ADAMTSL2: variants seen among roughly 807,000 people sequenced by gnomAD.
ADAMTSL2 encodes the protein ADAMTS-like protein 2.
In ADAMTSL2, 55 loss-of-function variants were observed where a neutral mutation model predicts 117.0. That is an observed-to-expected ratio of 0.47 (90% CI 0.38 to 0.59). The LOEUF is 0.59. Among genes scored for constraint, ADAMTSL2 ranks in the 20% least tolerant of loss-of-function variants. The pLI, the probability that ADAMTSL2 is intolerant of heterozygous loss-of-function variation, is 0.00. For missense variants in ADAMTSL2, 1,182 were observed against 1,354.5 expected (o/e 0.87, Z 2.00); for synonymous variants, 572 against 566.4 (o/e 1.01, Z -0.14).
chr9:133,548,808 G>A (rs1271271265), intron 9 of ADAMTSL2, among the ~76,000 whole-genome samples: 1 of 152,178 alleles, frequency 6.6e-6, no homozygotes, highest in African/African-American at 2.4e-5. Flanking sequence ...TCACCGAAGG[G>A]TGGGGTCCGT....
chr9:133,566,212 C>T (rs1276200461), intron 12 of ADAMTSL2, among the ~76,000 whole-genome samples: 4 of 152,202 alleles, frequency 2.6e-5, no homozygotes, highest in Admixed American at 6.5e-5. Flanking sequence ...GAGGCCAAGG[C>T]GGGCGGATCA....
chr9:133,561,792 T>G (rs1105634), intron 12 of ADAMTSL2, among the ~76,000 whole-genome samples: 67,992 of 151,404 alleles, frequency 0.45, 15,879 homozygotes, highest in African/African-American at 0.52. Flanking sequence ...GACAGACAGA[T>G]GTGTGTGGTT....
At chr9:133,541,088 G>T (rs1830212642) in intron 7 of ADAMTSL2, 87 bp downstream of exon 7, 1 of 1,537,772 alleles carries the variant, frequency 6.5e-7, no homozygotes, top group Admixed American at 1.9e-5. Context: ...AGCCTCCTGT[G>T]TACCACTGGG....
At chr9:133,551,546 A>G (rs1370606310) in intron 9 of ADAMTSL2, among the ~76,000 whole-genome samples, 1 of 152,206 alleles carries the variant, frequency 6.6e-6, no homozygotes, top group Non-Finnish European at 1.5e-5. Flanking sequence ...TTCCATCTCT[A>G]GTAGGGCCTC....
In ADAMTSL2 at chr9:133,534,872, C is replaced by T. The variant is rs571861928; in HGVS notation, c.-196C>T. 174 of 1,475,764 alleles carry T rather than the reference C, an allele frequency of 1.2e-4. No individual in the cohort carries two copies. In the African/African-American group the frequency reaches 2.3e-3, roughly 19 times the overall value. The allele number at this position is 1,475,764 out of a possible 1,614,324, so 91.4% of individuals were successfully genotyped here. On this transcript the variant is annotated 5_prime_UTR_variant, in exon 1 of 19. Transcript: ENST00000651351. Reference sequence around the variant, plus strand: ...ACCTGGCGCCGTCTGCCCTCCGCAGCGCTCGCCCCTTTCTCTGGGAGGACA... The same window carrying T: ...ACCTGGCGCCGTCTGCCCTCCGCAGTGCTCGCCCCTTTCTCTGGGAGGACA...
intron 11 of ADAMTSL2, among the ~76,000 whole-genome samples, chr9:133,556,706 G>T (rs1420635421): frequency 6.6e-6 from 1 of 152,220 alleles, no homozygotes; most frequent in Non-Finnish European, 1.5e-5. Flanking sequence ...GTCACAGCCA[G>T]GGTTGTCTGG....
At chr9:133,537,282 GC>G in intron 2 of ADAMTSL2, 122 bp from the exon 3 acceptor site, 2 of 1,111,608 alleles carry the variant, frequency 1.8e-6, no homozygotes, top group Non-Finnish European at 2.4e-6. Flanking sequence ...CTGCAAGGGG[GC>G]CCAGCCAGGG....
intron 18 of ADAMTSL2, 25 bp from the exon 19 acceptor site, chr9:133,574,721 G>A: frequency 1.9e-6 from 3 of 1,606,660 alleles, no homozygotes; most frequent in African/African-American, 1.3e-5. Flanking sequence ...AAACTGCCCT[G>A]CTTCGCTCTG....
chr9:133,547,579 G>A (rs1291519290), intron 9 of ADAMTSL2, among the ~76,000 whole-genome samples: 2 of 152,204 alleles, frequency 1.3e-5, no homozygotes, highest in Non-Finnish European at 2.9e-5. Flanking sequence ...TAGCTTCCCT[G>A]GAGGACCAGC....
At chr9:133,565,194 G>A (rs1318206460) in intron 12 of ADAMTSL2, among the ~76,000 whole-genome samples, 2 of 152,224 alleles carry the variant, frequency 1.3e-5, no homozygotes, top group African/African-American at 2.4e-5. Flanking sequence ...GAAAAGCACC[G>A]TTTTCGAGAT....
intron 18 of ADAMTSL2, 74 bp downstream of exon 18, chr9:133,574,061 G>C (rs1831172275): frequency 1.3e-6 from 2 of 1,536,804 alleles, no homozygotes; most frequent in Non-Finnish European, 1.8e-6. Flanking sequence ...GGCCTGAGGG[G>C]TGAGCAGACA....
intron 10 of ADAMTSL2, among the ~76,000 whole-genome samples, chr9:133,555,168 G>A (rs956740519): frequency 3.9e-5 from 6 of 152,068 alleles, no homozygotes; most frequent in Admixed American, 1.3e-4. Context: ...CCTCTGTGCC[G>A]GTGTCTCTGT....
chr9:133,539,815 C>T lies in ADAMTSL2; in HGVS notation c.354C>T (p.Val118=). 1.3e-6 allele frequency: 2 copies of T among 1,551,134 alleles called. No homozygotes were observed. The highest frequency in any genetic ancestry group is 4.9e-5 in the East Asian group (2 of 40,928). The change falls in exon 5 of 19, where the codon GTC becomes GTT. Residue 118 remains valine (V), a synonymous_variant. Transcript: ENST00000651351. The part of the protein sequence containing the change: ...DGRSFREEQC[V]SFNSHVYNGR... Reference sequence around the variant, plus strand: ...GGAGCTTCCGCGAGGAGCAGTGCGTCTCCTTCAACTCCCACGTGTACAACG... The same window carrying T: ...GGAGCTTCCGCGAGGAGCAGTGCGTTTCCTTCAACTCCCACGTGTACAACG...
chr9:133,532,918 G>A (rs112155122), upstream of ADAMTSL2, among the ~76,000 whole-genome samples: 10,328 of 152,250 alleles, frequency 0.068, 410 homozygotes, highest in Non-Finnish European at 0.075. Context: ...AGCCTGTGCC[G>A]TCCTGCTGAG....
Position 133,568,253 on chromosome 9 carries a change from G to T in ADAMTSL2, c.1875-20G>T. On this transcript the variant is annotated intron_variant, in intron 13 of 18. Transcript: ENST00000651351. ...GCTGCCATGGGGGGGATCATTGAAG[G>T]CCATCCGCTCCCGGGGCAGGTGGGA... 1 of 1,549,806 alleles carries T rather than the reference G, an allele frequency of 6.5e-7. No individual in the cohort carries two copies.
At chr9:133,562,767 C>T (rs113272742) in intron 12 of ADAMTSL2, among the ~76,000 whole-genome samples, 7,137 of 100,418 alleles carry the variant, frequency 0.071, 778 homozygotes, top group East Asian at 0.36. Flanking sequence ...TGGCCAGGCT[C>T]GCACCGCTGT....
intron 7 of ADAMTSL2, among the ~76,000 whole-genome samples, chr9:133,542,042 T>A (rs1427161555): frequency 6.6e-6 from 1 of 152,168 alleles, no homozygotes; most frequent in Non-Finnish European, 1.5e-5. Context: ...AAGGTCCCAA[T>A]GAGGCCAGTT....
intron 16 of ADAMTSL2, among the ~76,000 whole-genome samples, chr9:133,570,015 C>T (rs1473757053): frequency 3.9e-5 from 6 of 152,352 alleles, no homozygotes; most frequent in South Asian, 2.1e-4. Context: ...CAGCAGCTCC[C>T]GGCAGGTCAC....
intron 9 of ADAMTSL2, among the ~76,000 whole-genome samples, chr9:133,548,410 G>A (rs9775776): frequency 0.84 from 128,538 of 152,188 alleles, 55,061 homozygotes; most frequent in Non-Finnish European, 0.92. Flanking sequence ...GCTGTGTCTG[G>A]AGGTGGACTG....
Sources: allele counts gnomAD v4.1 joint callset (sites outside exome capture counted in the v4.1 genomes callset), GRCh38; gene constraint gnomAD v4.1.1; transcripts MANE v1.5; gene names NCBI Gene and HGNC (gene_info 2026-07-23, HGNC 2026-07-21).